Variants in MTFR1 observed in about 807,000 individuals in gnomAD.
MTFR1 encodes the protein chondrocyte protein with a poly-proline region.
In MTFR1, 28 loss-of-function variants were observed where a neutral mutation model predicts 38.8. That is an observed-to-expected ratio of 0.72 (90% CI 0.53 to 0.99). The LOEUF (loss-of-function observed/expected upper bound fraction) is 0.99, where lower values mean the gene tolerates loss of function less well. Ranked by LOEUF, MTFR1 falls within the 50% of genes least tolerant of loss-of-function variation. The probability of loss-of-function intolerance (pLI) is 0.00; values close to 1 mark genes in which losing one functional copy is unlikely to be tolerated. For synonymous variants in MTFR1, 145 were observed against 137.0 expected (o/e 1.06, Z -0.41); for missense variants, 358 against 395.5 (o/e 0.91, Z 0.81).
intron 3 of MTFR1, among the ~76,000 whole-genome samples, chr8:65,740,237 C>T (rs1241506183): frequency 6.6e-6 from 1 of 152,108 alleles, no homozygotes; most frequent in African/African-American, 2.4e-5. Context: ...CAACACTGCC[C>T]AGCAATCATA....
chr8:65,714,073 C>T (rs1003814362), downstream of MTFR1, among the ~76,000 whole-genome samples: 1 of 150,130 alleles, frequency 6.7e-6, no homozygotes, highest in Non-Finnish European at 1.5e-5. Context: ...CTAAACAACC[C>T]AACACTACTG....
intron 5 of MTFR1, among the ~76,000 whole-genome samples, chr8:65,706,601 T>C (rs1805787458): frequency 6.6e-6 from 1 of 152,174 alleles, no homozygotes; most frequent in Admixed American, 6.5e-5. Flanking sequence ...AAAATATACT[T>C]AAAATGAGTC....
At chr8:65,774,091 T>C (rs562604121), downstream of MTFR1, among the ~76,000 whole-genome samples, 1 of 152,290 alleles carries the variant, frequency 6.6e-6, no homozygotes, top group East Asian at 1.9e-4. Flanking sequence ...ACAACTAAGT[T>C]TCTTTCCCCT....
chr8:65,708,431 A>AT, intron 7 of MTFR1: 1 of 297,250 alleles, frequency 3.4e-6, no homozygotes, highest in Non-Finnish European at 6.5e-6. Flanking sequence ...CAGTGAGATC[A>AT]TTTTCTCTCA....
At chr8:65,765,096 A>T (rs1437669718) in intron 3 of MTFR1, among the ~76,000 whole-genome samples, 1 of 152,230 alleles carries the variant, frequency 6.6e-6, no homozygotes, top group Non-Finnish European at 1.5e-5. Context: ...CTAAAAGCCT[A>T]AAGTGAAGAG....
chr8:65,671,110 C>T (rs530870602), intron 2 of MTFR1, among the ~76,000 whole-genome samples: 2 of 152,196 alleles, frequency 1.3e-5, no homozygotes, highest in East Asian at 3.9e-4. Context: ...AAGTAGAGAA[C>T]CAAATAAAAT....
At chr8:65,655,136 T>G (rs1474345942) in intron 1 of MTFR1, among the ~76,000 whole-genome samples, 1 of 152,246 alleles carries the variant, frequency 6.6e-6, no homozygotes, top group Non-Finnish European at 1.5e-5. Flanking sequence ...GCTTAAAATA[T>G]TCTGTGTCAA....
chr8:65,700,671 A>G (rs1321662508), intron 4 of MTFR1, among the ~76,000 whole-genome samples: 1 of 152,224 alleles, frequency 6.6e-6, no homozygotes, highest in Non-Finnish European at 1.5e-5. Flanking sequence ...CACTAAGCCA[A>G]AGGGAAAAGT....
intron 2 of MTFR1, among the ~76,000 whole-genome samples, chr8:65,676,180 A>G (rs1420344113): frequency 6.6e-6 from 1 of 152,066 alleles, no homozygotes; most frequent in South Asian, 2.1e-4. Flanking sequence ...ATTTTCCCTT[A>G]GCTCCCTGAG....
At chr8:65,731,857 C>T (rs1271444569) in intron 3 of MTFR1, among the ~76,000 whole-genome samples, 1 of 152,150 alleles carries the variant, frequency 6.6e-6, no homozygotes, top group Middle Eastern at 3.2e-3. Context: ...TCCCTCTGTA[C>T]TTGGACTTTC....
chr8:65,687,858 G>A (rs569928326), intron 3 of MTFR1, among the ~76,000 whole-genome samples: 2 of 152,128 alleles, frequency 1.3e-5, no homozygotes, highest in East Asian at 3.9e-4. Context: ...CCAGCACTTT[G>A]GGAGGCCAAG....
chr8:65,734,903 A>G (rs2128897620), intron 3 of MTFR1: 1 of 1,553,602 alleles, frequency 6.4e-7, no homozygotes, highest in Non-Finnish European at 8.9e-7. Context: ...AACTGCATCA[A>G]AGAAAGAGAT....
chr8:65,739,601 AAAAG>A (rs1225850610), intron 3 of MTFR1: 65 of 1,510,620 alleles, frequency 4.3e-5, no homozygotes, highest in East Asian at 2.0e-4. Flanking sequence ...CTATTTCCTA[AAAAG>A]AAAGAAGAGA....
At chr8:65,647,947 T>C (rs1033110958) in intron 1 of MTFR1, among the ~76,000 whole-genome samples, 4 of 152,218 alleles carry the variant, frequency 2.6e-5, no homozygotes, top group Admixed American at 6.5e-5. Flanking sequence ...TTTCTACTTG[T>C]AAAATGCCTA....
At chr8:65,762,639 G>A (rs1585888748) in intron 3 of MTFR1, among the ~76,000 whole-genome samples, 1 of 151,866 alleles carries the variant, frequency 6.6e-6, no homozygotes, top group African/African-American at 2.4e-5. Context: ...GCACATTTTT[G>A]GCAAAGAAAA....
At chr8:65,729,373 T>C (rs1806744514) in intron 3 of MTFR1, among the ~76,000 whole-genome samples, 1 of 149,206 alleles carries the variant, frequency 6.7e-6, no homozygotes, top group South Asian at 2.1e-4. Context: ...GCTTTTTTTT[T>C]TTTTTTTTTT....
At chr8:65,734,905 G>A in intron 3 of MTFR1, 3 of 1,544,300 alleles carry the variant, frequency 1.9e-6, no homozygotes, top group Non-Finnish European at 2.7e-6. Flanking sequence ...CTGCATCAAA[G>A]AAAGAGATCC....
rs779701295 is a variant in MTFR1, at chr8:65,715,996, C to CAAAAAA, written c.382-3360_382-3355dup. ...TGGGCGACAGAGCAAGGCTCTGTCT[C>CAAAAAA]AAAAAAAAAAAAAAAAAAAAAAAAA... On this transcript the variant is annotated intron_variant, in intron 2 of 3. Coordinates refer to the MTFR1 transcript ENST00000521247. Among the ~76,000 whole-genome samples the CAAAAAA allele has an allele frequency of 3.8e-4, 13 of 33,860 alleles. No individual in the cohort carries two copies. In the South Asian group the frequency reaches 0.012, roughly 30 times the overall value. The allele number at this position is 33,860 out of a possible 152,430, so 22.2% of individuals were successfully genotyped here. A position where few individuals can be genotyped will look rare whatever the true frequency, so the allele number is the denominator to read the frequency against.
chr8:65,764,044 T>G (rs1808644411), intron 3 of MTFR1, among the ~76,000 whole-genome samples: 1 of 152,204 alleles, frequency 6.6e-6, no homozygotes, highest in Non-Finnish European at 1.5e-5. Context: ...GGTGAAAGTT[T>G]TTTTAAAAAC....
Sources: allele counts gnomAD v4.1 joint callset (sites outside exome capture counted in the v4.1 genomes callset), GRCh38; gene constraint gnomAD v4.1.1; transcripts MANE v1.5; gene names NCBI Gene and HGNC (gene_info 2026-07-23, HGNC 2026-07-21).